Variants in PLPP4 observed in about 807,000 individuals in gnomAD.
PLPP4 encodes diacylglycerol pyrophosphate like 2.
A neutral mutation model predicts 32.2 loss-of-function variants in PLPP4; 20 were observed. The observed-to-expected ratio is 0.62, with a 90% confidence interval of 0.44 to 0.90. The LOEUF is 0.90. Ranked by LOEUF, PLPP4 falls within the 40% of genes least tolerant of loss-of-function variation. The pLI is 0.00. For missense variants in PLPP4, 257 were observed against 353.1 expected (o/e 0.73, Z 2.18); for synonymous variants, 127 against 133.0 (o/e 0.95, Z 0.31).
chr10:120,564,255 A>G (rs559311584), intron 5 of PLPP4, among the ~76,000 whole-genome samples: 48 of 152,178 alleles, frequency 3.2e-4, no homozygotes, highest in African/African-American at 1.1e-3. Flanking sequence ...TTTAAAAAAA[A>G]TCCCAAAAGT....
intron 5 of PLPP4, among the ~76,000 whole-genome samples, chr10:120,557,427 G>A (rs1848210623): frequency 6.6e-6 from 1 of 152,194 alleles, no homozygotes; most frequent in South Asian, 2.1e-4. Context: ...TGCCTCCGGA[G>A]AATGCCATGT....
At chr10:120,575,334 A>C (rs1211253753) in intron 6 of PLPP4, 33 bp downstream of exon 6, 2 of 1,597,900 alleles carry the variant, frequency 1.3e-6, no homozygotes, top group Non-Finnish European at 1.7e-6. Flanking sequence ...ACTAGTCCTC[A>C]CTGTGGTTGC....
chr10:120,551,965 G>A (rs1026428544), intron 5 of PLPP4, among the ~76,000 whole-genome samples: 1 of 151,786 alleles, frequency 6.6e-6, no homozygotes, highest in African/African-American at 2.4e-5. Flanking sequence ...TTTACAATTT[G>A]TAATTATTTC....
rs1849958259 is a variant in PLPP4 at position 120,590,394 on chromosome 10, T to A, written c.*892T>A. Among the ~76,000 whole-genome samples, 1 of 152,174 alleles carries A rather than the reference T, an allele frequency of 6.6e-6. No individual in the cohort carries two copies. The highest frequency in any genetic ancestry group is 6.5e-5 in the Admixed American group (1 of 15,276). ...TGGCCATTGGGGATAAGAAGCAACT[T>A]CAGGCTGAGAATTTTTCCCCTTTAG... On this transcript the variant is annotated 3_prime_UTR_variant, in exon 7 of 7. Transcript: ENST00000398250.
intron 1 of PLPP4, among the ~76,000 whole-genome samples, chr10:120,470,467 T>C (rs1848467423): frequency 6.6e-6 from 1 of 152,234 alleles, no homozygotes. Context: ...TCTTTCCTTG[T>C]GGTTTCAGTT....
chr10:120,458,689 C>G (rs1028579371), intron 1 of PLPP4, among the ~76,000 whole-genome samples: 3 of 152,118 alleles, frequency 2.0e-5, no homozygotes, highest in Non-Finnish European at 2.9e-5. Context: ...GAAGAAGGAA[C>G]GAGAACTTCA....
intron 1 of PLPP4, among the ~76,000 whole-genome samples, chr10:120,493,501 G>A (rs376919782): frequency 6.6e-6 from 1 of 152,162 alleles, no homozygotes; most frequent in Non-Finnish European, 1.5e-5. Context: ...GCATGAGCAG[G>A]CAGAGGCTTT....
chr10:120,589,611 A>C lies in PLPP4; in HGVS notation c.*109A>C. On this transcript the variant is annotated 3_prime_UTR_variant, in exon 7 of 7. Coordinates refer to ENST00000398250, the MANE Select transcript of PLPP4 (RefSeq NM_001030059.3). Reference sequence around the variant, plus strand: ...GTGTATTTTTCATCAGTTGTTTCTCAAAGTCATCGTACTTCTGCTTCTGTT... The same window carrying C: ...GTGTATTTTTCATCAGTTGTTTCTCCAAGTCATCGTACTTCTGCTTCTGTT... 2.4e-6 allele frequency: 2 copies of C among 829,642 alleles called. No individual in the cohort carries two copies. Among genetic ancestry groups the C allele is most frequent in the Non-Finnish European group, 3.7e-6 (2 of 539,660 alleles). The allele number at this position is 829,642 out of a possible 1,614,324, so 51.4% of individuals were successfully genotyped here. A position where few individuals can be genotyped will look rare whatever the true frequency, so the allele number is the denominator to read the frequency against.
chr10:120,498,147 TATC>T (rs1346392445), intron 1 of PLPP4, among the ~76,000 whole-genome samples: 1 of 152,238 alleles, frequency 6.6e-6, no homozygotes, highest in African/African-American at 2.4e-5. Flanking sequence ...CAGTTAAAAT[TATC>T]ATTAAAGAAA....
chr10:120,483,303 C>G (rs954961229), intron 1 of PLPP4, among the ~76,000 whole-genome samples: 4 of 152,176 alleles, frequency 2.6e-5, no homozygotes, highest in Non-Finnish European at 4.4e-5. Flanking sequence ...TGCAGACAGC[C>G]TATCATGGGC....
intron 6 of PLPP4, among the ~76,000 whole-genome samples, chr10:120,580,453 G>A (rs11596921): frequency 6.6e-6 from 1 of 151,948 alleles, no homozygotes; most frequent in Non-Finnish European, 1.5e-5. Flanking sequence ...TCTGTCAGCT[G>A]TCTTGGTTTT....
intron 5 of PLPP4, among the ~76,000 whole-genome samples, chr10:120,538,000 CT>C (rs1169341887): frequency 1.8e-4 from 1 of 5,632 alleles, no homozygotes; most frequent in Non-Finnish European, 4.0e-4. Flanking sequence ...CTTTCTCTCT[CT>C]CTCTCTCTCT....
chr10:120,547,083 A>T (rs1017508511), intron 5 of PLPP4, among the ~76,000 whole-genome samples: 2 of 152,096 alleles, frequency 1.3e-5, no homozygotes, highest in African/African-American at 4.8e-5. Context: ...GATGTTCCTG[A>T]AATAGTTGTC....
chr10:120,569,557 C>T (rs927178993), intron 5 of PLPP4, among the ~76,000 whole-genome samples: 13 of 152,184 alleles, frequency 8.5e-5, no homozygotes, highest in Non-Finnish European at 1.6e-4. Flanking sequence ...AGTTCCTTTT[C>T]CTTTTCCCCA....
At chr10:120,460,029 C>G (rs1220517693) in intron 1 of PLPP4, among the ~76,000 whole-genome samples, 1 of 152,146 alleles carries the variant, frequency 6.6e-6, no homozygotes, top group Non-Finnish European at 1.5e-5. Context: ...TCCAGGCACC[C>G]CCGCTCCCGC....
At chr10:120,574,217 C>CTG (rs1849105014) in intron 5 of PLPP4, among the ~76,000 whole-genome samples, 1 of 135,932 alleles carries the variant, frequency 7.4e-6, no homozygotes, top group Non-Finnish European at 1.6e-5. Flanking sequence ...CTCTCTCTCT[C>CTG]TCTCTCAGCT....
At chr10:120,507,340 G>GTTC (rs1207541138) in intron 2 of PLPP4, among the ~76,000 whole-genome samples, 1 of 140,832 alleles carries the variant, frequency 7.1e-6, no homozygotes, top group Non-Finnish European at 1.5e-5. Flanking sequence ...TTCTAGGGAA[G>GTTC]TTCTTCATCA....
intron 5 of PLPP4, among the ~76,000 whole-genome samples, chr10:120,557,795 C>T (rs1483739871): frequency 6.6e-6 from 1 of 152,092 alleles, no homozygotes; most frequent in Non-Finnish European, 1.5e-5. Context: ...TGAATTTGTT[C>T]CTTTTTAAAA....
At chr10:120,532,072 CCCCAACA>C (rs1331870983) in intron 5 of PLPP4, among the ~76,000 whole-genome samples, 1 of 152,070 alleles carries the variant, frequency 6.6e-6, no homozygotes, top group Non-Finnish European at 1.5e-5. Context: ...GCCCCTACGC[CCCCAACA>C]GGCCCTGGTG....
Sources: gnomAD v4.1 joint callset for allele counts (sites outside exome capture counted in the v4.1 genomes callset) on GRCh38, gnomAD v4.1.1 for gene constraint, MANE v1.5 for transcripts, NCBI Gene and HGNC (gene_info 2026-07-23, HGNC 2026-07-21) for gene names.